Variants in GPATCH8 observed in about 807,000 individuals in gnomAD.
GPATCH8 encodes G-patch domain containing 8.
In GPATCH8, 18 loss-of-function variants were observed where a neutral mutation model predicts 118.3. The observed-to-expected ratio is 0.15, with a 90% confidence interval of 0.11 to 0.23. The LOEUF (loss-of-function observed/expected upper bound fraction) is 0.23. GPATCH8 is among the 10% of genes least tolerant of loss of function. The pLI, the probability that GPATCH8 is intolerant of heterozygous loss-of-function variation, is 1.00. For synonymous variants in GPATCH8, 659 were observed against 684.7 expected (o/e 0.96, Z 0.59); for missense variants, 1,631 against 1,873.8 (o/e 0.87, Z 2.39).
At chr17:44,493,831 T>C (rs777707197) in intron 1 of GPATCH8, among the ~76,000 whole-genome samples, 5 of 152,236 alleles carry the variant, frequency 3.3e-5, no homozygotes, top group Admixed American at 6.5e-5. Flanking sequence ...ATCTTCAAAA[T>C]AGGATTAGTA....
chr17:44,452,946 T>C (rs574219425), intron 3 of GPATCH8, among the ~76,000 whole-genome samples: 3 of 152,186 alleles, frequency 2.0e-5, no homozygotes, highest in Admixed American at 6.5e-5. Context: ...TCCCACCTCA[T>C]TCTCCCAGGT....
At position 44,399,343 on chromosome 17, in the gene GPATCH8, C is replaced by T; in HGVS notation, c.2734G>A (p.Asp912Asn). ...RRHSKRSHDS[D>N]DSDYASSKHR... ...TTGGAGCTGGCATAGTCTGAGTCAT[C>T]TGAGTCATGGGAGCGCTTGGAGTGC... The change falls in exon 8 of 8, where the codon GAT becomes AAT. Residue 912 changes from aspartate (D) to asparagine (N), a missense_variant. Asp to Asn is a conservative substitution (Grantham distance 23). Transcript: ENST00000591680. The T allele has an allele frequency of 6.2e-7, 1 of 1,614,150 alleles. No individual in the cohort carries two copies. The highest frequency in any genetic ancestry group is 1.3e-5 in the African/African-American group (1 of 75,036).
At chr17:44,455,668 A>C (rs1247321373) in intron 3 of GPATCH8, among the ~76,000 whole-genome samples, 2 of 152,224 alleles carry the variant, frequency 1.3e-5, no homozygotes, top group African/African-American at 4.8e-5. Flanking sequence ...AGGGAAAGTA[A>C]GATAGAAAGA....
At chr17:44,438,013 C>G (rs542878961) in intron 3 of GPATCH8, among the ~76,000 whole-genome samples, 20 of 149,782 alleles carry the variant, frequency 1.3e-4, no homozygotes, top group African/African-American at 4.2e-4. Context: ...CAAAGGACTG[C>G]CAGTAAAGCA....
At chr17:44,437,882 T>G (rs1183167872) in intron 3 of GPATCH8, among the ~76,000 whole-genome samples, 1 of 144,780 alleles carries the variant, frequency 6.9e-6, no homozygotes, top group African/African-American at 2.6e-5. Flanking sequence ...GAATTAGAAT[T>G]ATCACAGTAA....
At chr17:44,404,957 T>C (rs893970647) in intron 7 of GPATCH8, among the ~76,000 whole-genome samples, 1 of 152,146 alleles carries the variant, frequency 6.6e-6, no homozygotes, top group African/African-American at 2.4e-5. Flanking sequence ...TACAGCTAAC[T>C]AGGAAGAGTA....
intron 1 of GPATCH8, among the ~76,000 whole-genome samples, chr17:44,485,058 C>T (rs1011382680): frequency 6.6e-6 from 1 of 151,918 alleles, no homozygotes; most frequent in Non-Finnish European, 1.5e-5. Context: ...CAAGAGATCG[C>T]CCGCCTCAGC....
At chr17:44,499,194 C>T (rs1284722961) in intron 1 of GPATCH8, among the ~76,000 whole-genome samples, 1 of 151,862 alleles carries the variant, frequency 6.6e-6, no homozygotes, top group African/African-American at 2.4e-5. Flanking sequence ...GGGCCAGGCG[C>T]GGTGGCTCAA....
At chr17:44,409,084 C>G (rs2049337322) in intron 6 of GPATCH8, 1 of 152,172 alleles carries the variant, frequency 6.6e-6, no homozygotes. Context: ...CTTTGTTGCC[C>G]AGGTGGGAGT....
In GPATCH8 at chr17:44,399,597, C is replaced by T. The variant is rs1019447764; in HGVS notation, c.2480G>A (p.Arg827Gln). The change falls in exon 8 of 8, where the codon CGG becomes CAG. Residue 827 changes from arginine to glutamine, a missense_variant. Physicochemically the swap from Arg to Gln is conservative, Grantham distance 43. This residue lies in a region of GPATCH8 where 922 missense variants were observed against 879.7 expected (regional missense o/e 1.05). Transcript: ENST00000591680. ...CTGGGATGGAGACTTCTGGTGCAGC[C>T]GGTGTGAGGAAGCATCATCACTATC... ...DEDSDDASSH[R>Q]LHQKSPSQYS... 9 of 1,614,044 alleles carry T rather than the reference C, an allele frequency of 5.6e-6. No homozygotes were observed. The highest frequency in any genetic ancestry group is 2.7e-5 in the African/African-American group (2 of 74,916).
At chr17:44,434,611 G>A (rs962493077) in intron 5 of GPATCH8, among the ~76,000 whole-genome samples, 10 of 152,102 alleles carry the variant, frequency 6.6e-5, no homozygotes, top group African/African-American at 1.7e-4. Flanking sequence ...AGGCCGAGGC[G>A]GGTGGATCAC....
intron 3 of GPATCH8, among the ~76,000 whole-genome samples, chr17:44,458,946 T>A (rs1203566883): frequency 6.6e-6 from 1 of 152,206 alleles, no homozygotes; most frequent in Admixed American, 6.5e-5. Context: ...ATGATTTCAT[T>A]TTTTACATTT....
intron 7 of GPATCH8, among the ~76,000 whole-genome samples, chr17:44,402,752 AC>A (rs1457977691): frequency 3.3e-5 from 5 of 152,238 alleles, no homozygotes; most frequent in African/African-American, 4.8e-5. Context: ...TGCCACAGAA[AC>A]TAAAAAGTCC....
At chr17:44,422,552 C>T (rs1286062438) in intron 6 of GPATCH8, among the ~76,000 whole-genome samples, 19 of 151,348 alleles carry the variant, frequency 1.3e-4, no homozygotes, top group African/African-American at 3.9e-4. Flanking sequence ...TGCAGTGGTG[C>T]GATCTCGGCT....
Position 44,493,054 on chromosome 17 carries a change from GTTTTTT to G in GPATCH8, c.45+10266_45+10271del, listed in dbSNP as rs398039127. Reference sequence around the variant, plus strand: ...TAAACCAATGGTGGTAAGCCATTAGGTTTTTTTTTTTTTTTTTAAGACAGAGTCTCA... The same window carrying G: ...TAAACCAATGGTGGTAAGCCATTAGGTTTTTTTTTTTAAGACAGAGTCTCA... On this transcript the variant is annotated intron_variant, in intron 1 of 7. Coordinates refer to ENST00000591680, the MANE Select transcript of GPATCH8 (RefSeq NM_001002909.4). 8.8e-5 allele frequency among the ~76,000 whole-genome samples: 11 copies of G among 124,406 alleles called. No homozygotes were observed. The East Asian group carries it at 1.6e-3, about 18-fold the overall frequency. 81.6% of individuals were successfully genotyped at this position (124,406 alleles called of 152,430 possible).
At chr17:44,456,038 C>T (rs753118592) in intron 3 of GPATCH8, among the ~76,000 whole-genome samples, 23 of 152,214 alleles carry the variant, frequency 1.5e-4, no homozygotes, top group Admixed American at 5.9e-4. Context: ...TGAGCCATAG[C>T]GCCCAGACAA....
At chr17:44,438,813 C>T (rs1000666390) in intron 3 of GPATCH8, 1 of 152,500 alleles carries the variant, frequency 6.6e-6, no homozygotes, top group African/African-American at 2.4e-5. Context: ...AACAGTTGGG[C>T]TTTGTCCCTC....
At chr17:44,467,254 G>A (rs1439781079) in intron 2 of GPATCH8, 5 of 342,088 alleles carry the variant, frequency 1.5e-5, no homozygotes, top group Admixed American at 1.3e-4. Context: ...GTAAATTCAC[G>A]AGTCAAGACC....
intron 3 of GPATCH8, among the ~76,000 whole-genome samples, chr17:44,440,676 C>A (rs1463397074): frequency 2.0e-5 from 3 of 152,162 alleles, no homozygotes; most frequent in Admixed American, 6.6e-5. Context: ...TATAACATAA[C>A]TAAAGAAAGA....
Sources: gnomAD v4.1 joint callset for allele counts (sites outside exome capture counted in the v4.1 genomes callset) on GRCh38, gnomAD v4.1.1 for gene constraint, gnomAD v4.1.1 regional missense constraint, MANE v1.5 for transcripts, NCBI Gene and HGNC (gene_info 2026-07-23, HGNC 2026-07-21) for gene names.